TBC1D14: variants seen among roughly 807,000 people sequenced by gnomAD.
TBC1D14 encodes TBC1 domain family, member 14.
A neutral mutation model predicts 79.0 loss-of-function variants in TBC1D14; 26 were observed. The ratio of observed to expected loss-of-function variants is 0.33; its 90% CI spans 0.24 to 0.46. The LOEUF is 0.46. Among genes scored for constraint, TBC1D14 ranks in the 20% least tolerant of loss-of-function variants. TBC1D14 has a pLI of 1.00. For synonymous variants in TBC1D14, 394 were observed against 349.9 expected (o/e 1.13, Z -1.40); for missense variants, 769 against 887.6 (o/e 0.87, Z 1.70).
Position 6,999,135 on chromosome 4 carries a change from G to A in TBC1D14, c.1096G>A (p.Val366Ile), listed in dbSNP as rs367760422. 1.9e-6 allele frequency: 3 copies of A among 1,614,224 alleles called. No individual in the cohort carries two copies. Among genetic ancestry groups the A allele is most frequent in the Non-Finnish European group, 2.5e-6 (3 of 1,180,036 alleles). The change falls in exon 6 of 14, where the codon GTC becomes ATC. Residue 366 changes from valine to isoleucine, a missense_variant. Val to Ile is a conservative substitution (Grantham distance 29). Around this residue, in one of 2 missense-constraint regions of TBC1D14, gnomAD observed 367 missense variants for 494.4 expected, o/e 0.74. Transcript: ENST00000409757. ...RKKQLEERCR[V>I]EESIGNAVLT... Reference sequence around the variant, plus strand: ...GAAGCAGCTGGAAGAAAGATGCAGAGTCGAGGAAAGCATTGGAAACGCTGT... The same window carrying A: ...GAAGCAGCTGGAAGAAAGATGCAGAATCGAGGAAAGCATTGGAAACGCTGT...
At chr4:6,930,219 G>A (rs1711600219) in intron 2 of TBC1D14, among the ~76,000 whole-genome samples, 1 of 152,206 alleles carries the variant, frequency 6.6e-6, no homozygotes, top group Non-Finnish European at 1.5e-5. Context: ...TGGGAAGACG[G>A]TTGGAGAATT....
At chr4:7,014,321 T>G (rs184139359) in intron 11 of TBC1D14, 127 bp from the exon 12 acceptor site, 232 of 621,162 alleles carry the variant, frequency 3.7e-4, no homozygotes, top group Non-Finnish European at 5.0e-4. Context: ...AAGTTGCCAT[T>G]CAAAGTGTAT....
At position 7,020,133 on chromosome 4, in the gene TBC1D14, C is replaced by T. The variant is rs898468322; in HGVS notation, c.1758-4871C>T. ...GAGGTTGGTATGTGAACTCCTCTGG[C>T]CTTAGGTTGGGGAGGACTCTGGGGC... On this transcript the variant is annotated intron_variant, in intron 12 of 13. Coordinates refer to ENST00000409757, the MANE Select transcript of TBC1D14 (RefSeq NM_020773.3). Among the ~76,000 whole-genome samples the T allele has an allele frequency of 3.3e-5, 3 of 89,586 alleles. No homozygotes were observed. The Admixed American group carries it at 3.4e-4, about 10-fold the overall frequency. The allele number at this position is 89,586 out of a possible 152,430, so 58.8% of individuals were successfully genotyped here. A position where few individuals can be genotyped will look rare whatever the true frequency, so the allele number is the denominator to read the frequency against.
At chr4:6,918,386 C>T (rs982324858) in intron 1 of TBC1D14, among the ~76,000 whole-genome samples, 4 of 152,294 alleles carry the variant, frequency 2.6e-5, no homozygotes, top group African/African-American at 4.8e-5. Context: ...CGTTCTAACC[C>T]GCATCTCTTT....
chr4:6,942,826 G>T (rs1372066621), intron 2 of TBC1D14, among the ~76,000 whole-genome samples: 1 of 152,116 alleles, frequency 6.6e-6, no homozygotes, highest in African/African-American at 2.4e-5. Flanking sequence ...CTAATACCTG[G>T]CTGTTCATTC....
chr4:6,911,232 T>A (rs1442156531), intron 1 of TBC1D14, among the ~76,000 whole-genome samples: 2 of 152,204 alleles, frequency 1.3e-5, no homozygotes, highest in Non-Finnish European at 2.9e-5. Context: ...TCCGCAATCC[T>A]AATGAGATCC....
intron 2 of TBC1D14, among the ~76,000 whole-genome samples, chr4:6,928,479 C>G (rs1724460237): frequency 6.6e-6 from 1 of 152,142 alleles, no homozygotes. Flanking sequence ...GGTCACTTAG[C>G]CCCTGCGATC....
At chr4:6,985,776 C>G (rs1204712270) in intron 3 of TBC1D14, among the ~76,000 whole-genome samples, 5 of 152,026 alleles carry the variant, frequency 3.3e-5, no homozygotes. Flanking sequence ...AACCCCTACT[C>G]CTGCTTTTGC....
rs568320389 is a variant in TBC1D14, at chr4:6,989,026, C to A, written c.844-5158C>A. Among the ~76,000 whole-genome samples the A allele has an allele frequency of 1.4e-4, 21 of 151,914 alleles. No individual in the cohort carries two copies. In the South Asian group the frequency reaches 4.4e-3, roughly 32 times the overall value. On this transcript the variant is annotated intron_variant, in intron 3 of 13. Coordinates refer to ENST00000409757, the MANE Select transcript of TBC1D14 (RefSeq NM_020773.3). ...AGTAGTTGGGACCACAGGCACAGCACCTCTGTGCCAGGCTTAGGAATACTT... is the reference window on the plus strand; with the variant it reads ...AGTAGTTGGGACCACAGGCACAGCAACTCTGTGCCAGGCTTAGGAATACTT...
Position 6,987,229 on chromosome 4 carries a change from T to C in TBC1D14, c.844-6955T>C, listed in dbSNP as rs970170191. ...CTGCCGCCCCGCCCCGCCCCGCGAG[T>C]CTGAGGAGCCGCCGCGTCCGCCCGC... On this transcript the variant is annotated intron_variant, in intron 3 of 13. Transcript: ENST00000409757. 3 of 1,253,334 alleles carry C rather than the reference T, an allele frequency of 2.4e-6. No homozygotes were observed. The African/African-American group carries it at 4.7e-5, about 20-fold the overall frequency. 77.6% of individuals were successfully genotyped at this position (1,253,334 alleles called of 1,614,324 possible).
intron 3 of TBC1D14, among the ~76,000 whole-genome samples, chr4:6,991,390 C>A (rs1577133427): frequency 6.6e-6 from 1 of 152,156 alleles, no homozygotes; most frequent in Non-Finnish European, 1.5e-5. Flanking sequence ...TCCCCACTTG[C>A]CCGCCGGGTA....
chr4:7,003,963 G>C (rs1241411223), intron 7 of TBC1D14, among the ~76,000 whole-genome samples: 1 of 152,082 alleles, frequency 6.6e-6, no homozygotes, highest in African/African-American at 2.4e-5. Flanking sequence ...CCAAGATTGC[G>C]CCACTGCACT....
intron 2 of TBC1D14, among the ~76,000 whole-genome samples, chr4:6,941,434 C>G (rs954053817): frequency 6.6e-6 from 1 of 152,194 alleles, no homozygotes; most frequent in African/African-American, 2.4e-5. Flanking sequence ...GATTTGCCGT[C>G]TTGGCCACCC....
At chr4:6,912,615 A>G (rs1723095897) in intron 1 of TBC1D14, among the ~76,000 whole-genome samples, 1 of 152,128 alleles carries the variant, frequency 6.6e-6, no homozygotes, top group African/African-American at 2.4e-5. Flanking sequence ...CCTTGTAGAC[A>G]CAGACTGGCT....
chr4:6,934,386 AG>A (rs1478479642), intron 2 of TBC1D14, among the ~76,000 whole-genome samples: 1 of 152,126 alleles, frequency 6.6e-6, no homozygotes, highest in Non-Finnish European at 1.5e-5. Flanking sequence ...GGTTGCTGAG[AG>A]GGCAGGGCAG....
chr4:6,924,611 T>C lies in TBC1D14; in HGVS notation c.722+500T>C, dbSNP rs956653333. Among the ~76,000 whole-genome samples, 11 of 150,870 alleles carry C rather than the reference T, an allele frequency of 7.3e-5. No individual in the cohort carries two copies. In the Admixed American group the frequency reaches 7.3e-4, roughly 10 times the overall value. ...GTGCCTGTCCTGGCCCTGCCTCTGC[T>C]GTGGAGGTGTGTGCTCTGCTGCACT... is the stretch of plus-strand genomic sequence containing the variant. On this transcript the variant is annotated intron_variant, in intron 2 of 13. Coordinates refer to ENST00000409757, the MANE Select transcript of TBC1D14 (RefSeq NM_020773.3).
chr4:7,008,356 A>G (rs778778119), intron 9 of TBC1D14, among the ~76,000 whole-genome samples: 29 of 152,376 alleles, frequency 1.9e-4, no homozygotes, highest in Middle Eastern at 3.4e-3. Context: ...AAAAGAAAGC[A>G]AAGAACAGTT....
intron 1 of TBC1D14, among the ~76,000 whole-genome samples, chr4:6,917,348 G>GGA (rs1454367237): frequency 8.5e-5 from 13 of 152,324 alleles, no homozygotes. Context: ...AATGCAGTGG[G>GGA]GAGAGAGACA....
chr4:7,018,748 C>T (rs1721524950), intron 12 of TBC1D14, among the ~76,000 whole-genome samples: 1 of 152,208 alleles, frequency 6.6e-6, no homozygotes, highest in African/African-American at 2.4e-5. Context: ...GAGCAGGGGC[C>T]CTTCAGCTGT....
Sources: gnomAD v4.1 joint callset for allele counts (sites outside exome capture counted in the v4.1 genomes callset) on GRCh38, gnomAD v4.1.1 for gene constraint, gnomAD v4.1.1 regional missense constraint, MANE v1.5 for transcripts, NCBI Gene and HGNC (gene_info 2026-07-23, HGNC 2026-07-21) for gene names.